MAGI2: variants seen among roughly 807,000 people sequenced by gnomAD.
MAGI2 encodes membrane-associated guanylate kinase, WW and PDZ domain-containing protein 2.
MAGI2 carries 35 observed loss-of-function variants against 133.3 expected under a neutral mutation model. The observed-to-expected ratio is 0.26, with a 90% CI of 0.20 to 0.35. The LOEUF is 0.35. MAGI2 is among the 10% of genes least tolerant of loss of function. The probability of loss-of-function intolerance (pLI) is 1.00; values close to 1 mark genes in which losing one functional copy is unlikely to be tolerated. For synonymous variants in MAGI2, 729 were observed against 710.6 expected, an observed-to-expected ratio of 1.03 and a Z score of -0.41; for missense variants, 1,636 against 1,863.4, an observed-to-expected ratio of 0.88 and a Z score of 2.25.
chr7:78,493,365 C>T (rs1793795363), intron 5 of MAGI2, among the ~76,000 whole-genome samples: 1 of 152,208 alleles, frequency 6.6e-6, no homozygotes, highest in Non-Finnish European at 1.5e-5. Flanking sequence ...TACAGTGCAG[C>T]ACACCATTGC....
intron 18 of MAGI2, among the ~76,000 whole-genome samples, chr7:78,132,020 G>A (rs560839245): frequency 1.6e-3 from 239 of 152,212 alleles, no homozygotes; most frequent in Middle Eastern, 6.8e-3. Flanking sequence ...GACTACAGGC[G>A]TGTACCACCA....
chr7:78,740,027 G>A (rs541488125), intron 2 of MAGI2, among the ~76,000 whole-genome samples: 15 of 152,104 alleles, frequency 9.9e-5, no homozygotes, highest in Non-Finnish European at 1.8e-4. Context: ...TGGGCGTGGT[G>A]GCGGGCGCCT....
chr7:78,958,650 G>A (rs549178857), intron 2 of MAGI2, among the ~76,000 whole-genome samples: 7 of 152,214 alleles, frequency 4.6e-5, no homozygotes, highest in South Asian at 4.2e-4. Flanking sequence ...GGGAACATGC[G>A]GTTCATGTGT....
chr7:79,267,180 G>A (rs1240073022), intron 1 of MAGI2, among the ~76,000 whole-genome samples: 2 of 152,118 alleles, frequency 1.3e-5, no homozygotes, highest in Non-Finnish European at 2.9e-5. Context: ...GGGGAGCTCA[G>A]GTCTTAAGTG....
intron 2 of MAGI2, among the ~76,000 whole-genome samples, chr7:78,868,598 G>A (rs1417488550): frequency 6.6e-6 from 1 of 152,132 alleles, no homozygotes; most frequent in Non-Finnish European, 1.5e-5. Flanking sequence ...GATGAGATTA[G>A]CAAACATTTC....
chr7:78,139,672 C>G (rs949003907), intron 16 of MAGI2, among the ~76,000 whole-genome samples: 3 of 152,186 alleles, frequency 2.0e-5, no homozygotes, highest in African/African-American at 7.2e-5. Context: ...GTCGTCTTGA[C>G]ACAGTGTGCT....
chr7:79,162,578 A>G (rs528922103), intron 1 of MAGI2, among the ~76,000 whole-genome samples: 3 of 152,082 alleles, frequency 2.0e-5, no homozygotes, highest in Admixed American at 2.0e-4. Flanking sequence ...CTTCTAAACT[A>G]TTATGTGTCA....
intron 3 of MAGI2, among the ~76,000 whole-genome samples, chr7:78,570,840 T>C (rs927678763): frequency 2.4e-4 from 37 of 152,200 alleles, no homozygotes; most frequent in Admixed American, 1.0e-3. Flanking sequence ...ATTTTTCCAT[T>C]GTTCTGTGCC....
At chr7:78,316,844 C>T (rs1382362628) in intron 9 of MAGI2, among the ~76,000 whole-genome samples, 1 of 152,080 alleles carries the variant, frequency 6.6e-6, no homozygotes, top group Non-Finnish European at 1.5e-5. Flanking sequence ...GGGATTCTGG[C>T]CCATGAGCTG....
At chr7:78,025,149 C>T (rs1808790510) in intron 21 of MAGI2, among the ~76,000 whole-genome samples, 1 of 152,202 alleles carries the variant, frequency 6.6e-6, no homozygotes, top group African/African-American at 2.4e-5. Flanking sequence ...GGTCTTCGTT[C>T]AGTTCTTCAA....
chr7:78,290,384 C>G (rs1478336153), intron 9 of MAGI2, among the ~76,000 whole-genome samples: 1 of 152,194 alleles, frequency 6.6e-6, no homozygotes, highest in Non-Finnish European at 1.5e-5. Context: ...ATCAATGCAA[C>G]AAGAAGAGCT....
At chr7:78,791,699 G>A (rs1028335500) in intron 2 of MAGI2, among the ~76,000 whole-genome samples, 16 of 151,940 alleles carry the variant, frequency 1.1e-4, no homozygotes, top group African/African-American at 2.7e-4. Flanking sequence ...ACAGGCACAC[G>A]CCACCACGCC....
chr7:79,289,262 G>C (rs919139066), intron 1 of MAGI2, among the ~76,000 whole-genome samples: 1 of 152,042 alleles, frequency 6.6e-6, no homozygotes, highest in African/African-American at 2.4e-5. Context: ...CTTTGTTCTT[G>C]ATCTCATGCT....
intron 1 of MAGI2, among the ~76,000 whole-genome samples, chr7:79,348,767 CT>C (rs1841490872): frequency 6.6e-6 from 1 of 151,666 alleles, no homozygotes; most frequent in Non-Finnish European, 1.5e-5. Context: ...TCATCACTTT[CT>C]TTCCAGAAGC....
chr7:79,254,775 A>C lies in MAGI2; in HGVS notation c.301+198245T>G, dbSNP rs571613617. 1.2e-4 allele frequency among the ~76,000 whole-genome samples: 19 copies of C among 152,282 alleles called. 1 individual carries two copies. The South Asian group carries it at 3.9e-3, about 32-fold the overall frequency. ...TGTGTTTAATATGTAGTAGAACTGA[A>C]CTCGCTCAATCTAGAGTATTCAATA... On this transcript the variant is annotated intron_variant, in intron 1 of 21. Coordinates refer to ENST00000354212, the MANE Select transcript of MAGI2 (RefSeq NM_012301.4).
intron 6 of MAGI2, among the ~76,000 whole-genome samples, chr7:78,374,083 T>C (rs1173556337): frequency 6.6e-6 from 1 of 152,180 alleles, no homozygotes; most frequent in Non-Finnish European, 1.5e-5. Flanking sequence ...TGTCTTTTGG[T>C]AAAATGATTT....
At chr7:78,069,572 G>GAGAGA (rs1198906942) in intron 21 of MAGI2, among the ~76,000 whole-genome samples, 2 of 142,742 alleles carry the variant, frequency 1.4e-5, no homozygotes, top group African/African-American at 5.2e-5. Flanking sequence ...GAGAGAGAGA[G>GAGAGA]GCTTCTGATT....
intron 3 of MAGI2, among the ~76,000 whole-genome samples, chr7:78,521,966 T>C (rs984985833): frequency 2.0e-5 from 3 of 152,228 alleles, no homozygotes; most frequent in African/African-American, 7.2e-5. Flanking sequence ...CCGAATTTTT[T>C]ATAACAAGAC....
chr7:78,022,609 C>T (rs998413324), intron 21 of MAGI2, among the ~76,000 whole-genome samples: 2 of 152,176 alleles, frequency 1.3e-5, no homozygotes, highest in African/African-American at 4.8e-5. Context: ...GAACAGTGGC[C>T]ACTGCCAACC....
Sources: allele counts gnomAD v4.1 joint callset (sites outside exome capture counted in the v4.1 genomes callset), GRCh38; gene constraint gnomAD v4.1.1; transcripts MANE v1.5; gene names NCBI Gene and HGNC (gene_info 2026-07-23, HGNC 2026-07-21).